METTL16: variants seen among roughly 807,000 people sequenced by gnomAD.
METTL16 encodes the protein methyltransferase 16, RNA N6-adenosine.
In METTL16, 19 loss-of-function variants were observed where a neutral mutation model predicts 57.9. That is an observed-to-expected ratio of 0.33 (90% CI 0.23 to 0.48). METTL16 has a LOEUF of 0.48. METTL16 is among the 20% of genes least tolerant of loss of function. The pLI, the probability that METTL16 is intolerant of heterozygous loss-of-function variation, is 0.99. For missense variants in METTL16, 434 were observed against 691.5 expected, an observed-to-expected ratio of 0.63 and a Z score of 4.18; for synonymous variants, 246 against 255.6, an observed-to-expected ratio of 0.96 and a Z score of 0.36.
At chr17:2,472,160 A>G (rs768959685) in intron 4 of METTL16, among the ~76,000 whole-genome samples, 3 of 152,172 alleles carry the variant, frequency 2.0e-5, no homozygotes, top group Non-Finnish European at 4.4e-5. Context: ...TCTCACCAAA[A>G]AAGATATACA....
intron 2 of METTL16, among the ~76,000 whole-genome samples, chr17:2,493,219 G>C (rs1443288939): frequency 6.7e-6 from 1 of 149,556 alleles, no homozygotes; most frequent in Non-Finnish European, 1.5e-5. Flanking sequence ...CTCCTGAGTA[G>C]CTGGGATTAG....
In METTL16 at chr17:2,416,819, A is replaced by T. The variant is rs2066720338; in HGVS notation, c.*3151T>A. ...CACTCAAGGTTATGACATATGAGTC[A>T]ATAACCCATTTCTTCAAAGAAAAAC... is the stretch of plus-strand genomic sequence containing the variant. On this transcript the variant is annotated 3_prime_UTR_variant, in exon 10 of 10. Coordinates refer to ENST00000263092, the MANE Select transcript of METTL16 (RefSeq NM_024086.4). 1 of 152,308 alleles carries T rather than the reference A, an allele frequency of 6.6e-6. No homozygotes were observed. Among genetic ancestry groups the T allele is most frequent in the South Asian group, 2.1e-4 (1 of 4,838 alleles). The allele number at this position is 152,308 out of a possible 1,614,324, so 9.4% of individuals were successfully genotyped here.
chr17:2,427,396 C>G (rs535122423), intron 8 of METTL16, among the ~76,000 whole-genome samples: 2 of 152,226 alleles, frequency 1.3e-5, no homozygotes, highest in South Asian at 4.1e-4. Context: ...TGTCCTGACT[C>G]CATGCAGAAA....
intron 2 of METTL16, among the ~76,000 whole-genome samples, chr17:2,481,822 C>A (rs1324055211): frequency 2.7e-5 from 4 of 149,932 alleles, no homozygotes; most frequent in Non-Finnish European, 5.9e-5. Flanking sequence ...ATTAGAAATA[C>A]CAACACCTAA....
At chr17:2,483,913 T>C (rs1427421892) in intron 2 of METTL16, among the ~76,000 whole-genome samples, 1 of 152,240 alleles carries the variant, frequency 6.6e-6, no homozygotes, top group African/African-American at 2.4e-5. Context: ...AGTACCATGC[T>C]AAGGCATTCA....
At chr17:2,457,057 G>C (rs2067115854) in intron 6 of METTL16, among the ~76,000 whole-genome samples, 3 of 151,956 alleles carry the variant, frequency 2.0e-5, no homozygotes, top group South Asian at 4.1e-4. Context: ...ATGTCAGCTG[G>C]GCGTGGTGGC....
chr17:2,459,023 T>C (rs952454736), intron 6 of METTL16, among the ~76,000 whole-genome samples: 4 of 151,838 alleles, frequency 2.6e-5, no homozygotes, highest in African/African-American at 9.7e-5. Context: ...CCCAGGCTGG[T>C]CTTGAACTCC....
chr17:2,467,851 G>A lies in METTL16; in HGVS notation c.495C>T (p.Leu165=), dbSNP rs376241163. 1.9e-6 allele frequency: 3 copies of A among 1,613,894 alleles called. No homozygotes were observed. The African/African-American group carries it at 4.0e-5, about 22-fold the overall frequency. ...IKVVKVPQKT[L]LMDALKEESE... ...ATTCTTCTTTAAGAGCATCCATCAG[G>A]AGTGTCTTCTGTGGCACTTTCACCA... is the stretch of plus-strand genomic sequence containing the variant. Residue 165 remains leucine, a synonymous_variant, in exon 5 of 10, where the codon CTC becomes CTT. Transcript: ENST00000263092.
rs374195704 is a variant in METTL16, at chr17:2,416,962, T to C, written c.*3008A>G. 6.6e-6 allele frequency: 1 copy of C among 150,752 alleles called. No individual in the cohort carries two copies. Among genetic ancestry groups the C allele is most frequent in the Non-Finnish European group, 1.5e-5 (1 of 67,964 alleles). 9.3% of individuals were successfully genotyped at this position (150,752 alleles called of 1,614,324 possible). The stretch of plus-strand genomic sequence containing the variant: ...ATATTTTCAATGTTCTCTCACTAGG[T>C]AGCCTAAGAAAATCTTCTCAGGGAA... On this transcript the variant is annotated 3_prime_UTR_variant, in exon 10 of 10. Transcript: ENST00000263092.
At position 2,418,920 on chromosome 17, in the gene METTL16, C is replaced by T. The variant is rs2066739616; in HGVS notation, c.*1050G>A. 6.6e-6 allele frequency: 1 copy of T among 152,234 alleles called. No homozygotes were observed. Among genetic ancestry groups the T allele is most frequent in the African/African-American group, 2.4e-5 (1 of 41,438 alleles). The allele number at this position is 152,234 out of a possible 1,614,324, so 9.4% of individuals were successfully genotyped here. On this transcript the variant is annotated 3_prime_UTR_variant, in exon 10 of 10. Coordinates refer to ENST00000263092, the MANE Select transcript of METTL16 (RefSeq NM_024086.4). ...CTTTCCGGGGGGACGGCTACTGAAC[C>T]CTGGCATTCCAATTAGAAACGTGTT...
intron 8 of METTL16, among the ~76,000 whole-genome samples, chr17:2,431,933 A>G (rs2066876296): frequency 6.8e-6 from 1 of 146,258 alleles, no homozygotes; most frequent in African/African-American, 2.8e-5. Flanking sequence ...CAGAAGCTCA[A>G]TGTGACTCAA....
chr17:2,423,605 G>T (rs944340459), intron 8 of METTL16, among the ~76,000 whole-genome samples: 3 of 152,178 alleles, frequency 2.0e-5, no homozygotes, highest in South Asian at 4.1e-4. Flanking sequence ...AACATCAAAG[G>T]CCATGACCAT....
At chr17:2,437,432 G>A (rs1369533159) in intron 8 of METTL16, among the ~76,000 whole-genome samples, 1 of 152,124 alleles carries the variant, frequency 6.6e-6, no homozygotes, top group Non-Finnish European at 1.5e-5. Context: ...CAGTGGTAAG[G>A]AAAAGAAAGA....
intron 8 of METTL16, among the ~76,000 whole-genome samples, chr17:2,431,526 C>T (rs2066874130): frequency 1.3e-5 from 2 of 152,140 alleles, no homozygotes; most frequent in Non-Finnish European, 2.9e-5. Context: ...TATGAGCAAG[C>T]TCAGCTCTCA....
At chr17:2,491,541 C>A (rs2067389029) in intron 2 of METTL16, among the ~76,000 whole-genome samples, 1 of 152,110 alleles carries the variant, frequency 6.6e-6, no homozygotes, top group African/African-American at 2.4e-5. Context: ...ACAGTCTACC[C>A]AGCATGATAA....
intron 1 of METTL16, among the ~76,000 whole-genome samples, chr17:2,506,189 C>G (rs57842024): frequency 6.6e-6 from 1 of 151,256 alleles, no homozygotes; most frequent in Non-Finnish European, 1.5e-5. Context: ...AGCACCTCTT[C>G]TTCAGGAAGA....
chr17:2,488,899 ACT>A (rs2067363391), intron 2 of METTL16, among the ~76,000 whole-genome samples: 1 of 152,134 alleles, frequency 6.6e-6, no homozygotes, highest in African/African-American at 2.4e-5. Flanking sequence ...CCACTTTTCA[ACT>A]CTCTGATACA....
rs1212908597 is a variant in METTL16, at chr17:2,470,371, C to A, written c.470-2495G>T. Reference sequence around the variant, plus strand: ...AATAAAAGGACGCTTGGTTCACAGTCCGGAAGCTGGAGTAAGAAGGCAGAG... The same window carrying A: ...AATAAAAGGACGCTTGGTTCACAGTACGGAAGCTGGAGTAAGAAGGCAGAG... On this transcript the variant is annotated intron_variant, in intron 4 of 9. Transcript: ENST00000263092. Among the ~76,000 whole-genome samples the A allele has an allele frequency of 2.0e-5, 3 of 152,114 alleles. No homozygotes were observed. The East Asian group carries it at 5.8e-4, about 29-fold the overall frequency.
chr17:2,468,007 T>A (rs2067213980), intron 4 of METTL16, 131 bp from the exon 5 acceptor site: 2 of 643,394 alleles, frequency 3.1e-6, no homozygotes, highest in African/African-American at 1.8e-5. Flanking sequence ...TAACACCACA[T>A]TTTTACTGTA....
Sources: gnomAD v4.1 joint callset for allele counts (sites outside exome capture counted in the v4.1 genomes callset) on GRCh38, gnomAD v4.1.1 for gene constraint, MANE v1.5 for transcripts, NCBI Gene and HGNC (gene_info 2026-07-23, HGNC 2026-07-21) for gene names.